CABLES1: variants seen among roughly 807,000 people sequenced by gnomAD.
The protein encoded by CABLES1 is CDK5 and ABL1 enzyme substrate 1.
A neutral mutation model predicts 57.8 loss-of-function variants in CABLES1; 36 were observed. The ratio of observed to expected loss-of-function variants is 0.62; its 90% CI spans 0.48 to 0.82. The LOEUF is 0.82. Among genes scored for constraint, CABLES1 ranks in the 40% least tolerant of loss-of-function variants. CABLES1 has a pLI of 0.00. For synonymous variants in CABLES1, 374 were observed against 363.0 expected (o/e 1.03, Z -0.35); for missense variants, 767 against 836.6 (o/e 0.92, Z 1.03).
chr18:23,189,800 C>A (rs547709812), intron 2 of CABLES1, among the ~76,000 whole-genome samples: 14 of 152,356 alleles, frequency 9.2e-5, no homozygotes, highest in African/African-American at 3.4e-4. Flanking sequence ...AGATGGCCTC[C>A]CCCTGGATCT....
chr18:23,253,862 G>T lies in CABLES1; in HGVS notation c.1687G>T (p.Ala563Ser), dbSNP rs754284395. The T allele has an allele frequency of 1.2e-6, 2 of 1,614,262 alleles. No homozygotes were observed. Among genetic ancestry groups the T allele is most frequent in the Non-Finnish European group, 1.7e-6 (2 of 1,180,046 alleles). ...CAACAAACAGAACCGGAAGCTGTGT[G>T]CTGGGGCATGTGTGCTGTTAGCAGC... is the stretch of plus-strand genomic sequence containing the variant. ...KLNKQNRKLC[A>S]GACVLLAAKI... Residue 563 changes from alanine to serine, a missense_variant, in exon 9 of 10, where the codon GCT (alanine) becomes TCT (serine). Ala to Ser is a moderately conservative substitution (Grantham distance 99). This residue lies in a region of CABLES1 where 529 missense variants were observed against 622.8 expected (regional missense o/e 0.85). Coordinates refer to ENST00000256925, the MANE Select transcript of CABLES1 (RefSeq NM_001100619.3).
intron 7 of CABLES1, among the ~76,000 whole-genome samples, chr18:23,248,591 G>A (rs778530869): frequency 3.6e-4 from 53 of 149,144 alleles, no homozygotes; most frequent in Admixed American, 1.5e-3. Flanking sequence ...ACTTTGGGAG[G>A]CCGAGGCGGG....
chr18:23,234,365 A>G (rs1353204766), intron 4 of CABLES1, among the ~76,000 whole-genome samples: 1 of 152,158 alleles, frequency 6.6e-6, no homozygotes, highest in African/African-American at 2.4e-5. Flanking sequence ...AGAGGGAGGG[A>G]TGTCTGTAAA....
chr18:23,230,653 C>A (rs536824051), intron 4 of CABLES1, among the ~76,000 whole-genome samples: 2 of 152,236 alleles, frequency 1.3e-5, no homozygotes, highest in Admixed American at 6.5e-5. Flanking sequence ...CTAGCTTTGG[C>A]GTACAAGAAA....
intron 9 of CABLES1, among the ~76,000 whole-genome samples, chr18:23,255,671 C>T (rs1488235794): frequency 6.6e-6 from 1 of 151,654 alleles, no homozygotes; most frequent in Non-Finnish European, 1.5e-5. Context: ...GCAATCCTCC[C>T]ATCTCCGCCT....
intron 3 of CABLES1, among the ~76,000 whole-genome samples, chr18:23,199,197 TAAAAA>T (rs1474849009): frequency 2.0e-5 from 3 of 152,194 alleles, no homozygotes; most frequent in Non-Finnish European, 4.4e-5. Flanking sequence ...ACTCGATTGT[TAAAAA>T]GAAAATAAAG....
At position 23,181,496 on chromosome 18, in the gene CABLES1, CAAAAAAAAA is replaced by C. The variant is rs59742943; in HGVS notation, c.846-7319_846-7311del. On this transcript the variant is annotated intron_variant, in intron 1 of 9. Transcript: ENST00000256925. ...GGGCAACAAGAGCAAAGCTTCGTCT[CAAAAAAAAA>C]AAAAAAAAAAAAAAAAAAAAAAGAT... Among the ~76,000 whole-genome samples, 127 of 35,402 alleles carry C rather than the reference CAAAAAAAAA, an allele frequency of 3.6e-3. 1 individual carries two copies. The highest frequency in any genetic ancestry group is 0.011 in the African/African-American group (110 of 9,870). 23.2% of individuals were successfully genotyped at this position (35,402 alleles called of 152,430 possible).
At chr18:23,144,213 C>G (rs1350026769) in intron 1 of CABLES1, among the ~76,000 whole-genome samples, 5 of 152,240 alleles carry the variant, frequency 3.3e-5, no homozygotes, top group Non-Finnish European at 1.5e-5. Context: ...AGGGCCCCTC[C>G]TCCGTGGTCT....
intron 4 of CABLES1, 70 bp downstream of exon 4, chr18:23,214,124 C>A: frequency 9.6e-7 from 1 of 1,043,844 alleles, no homozygotes; most frequent in Non-Finnish European, 1.4e-6. Context: ...CATAATGTGG[C>A]CATCCTTTCC....
At chr18:23,173,580 CAT>C (rs1446776210) in intron 1 of CABLES1, among the ~76,000 whole-genome samples, 17 of 152,308 alleles carry the variant, frequency 1.1e-4, no homozygotes, top group African/African-American at 3.6e-4. Flanking sequence ...TTTTTCCCAA[CAT>C]ATGTTTTTCT....
chr18:23,175,311 G>A (rs2047115336), intron 1 of CABLES1, among the ~76,000 whole-genome samples: 1 of 152,120 alleles, frequency 6.6e-6, no homozygotes, highest in Admixed American at 6.5e-5. Flanking sequence ...TTGGTGTAAG[G>A]TTTAATTTGG....
At chr18:23,247,652 G>T (rs539174654) in intron 7 of CABLES1, among the ~76,000 whole-genome samples, 144 of 152,366 alleles carry the variant, frequency 9.5e-4, no homozygotes, top group Non-Finnish European at 1.3e-3. Context: ...GCACTGGGCC[G>T]CCGGGCACCA....
At chr18:23,144,004 C>T (rs2046875123) in intron 1 of CABLES1, among the ~76,000 whole-genome samples, 2 of 152,354 alleles carry the variant, frequency 1.3e-5, no homozygotes, top group African/African-American at 4.8e-5. Flanking sequence ...GTTGTCTTTA[C>T]AGAGGGCACC....
At position 23,240,359 on chromosome 18, in the gene CABLES1, T is replaced by TAC. The variant is rs1182688527; in HGVS notation, c.1446+3124_1446+3125dup. Among the ~76,000 whole-genome samples, 3 of 151,914 alleles carry TAC rather than the reference T, an allele frequency of 2.0e-5. No homozygotes were observed. The South Asian group carries it at 6.2e-4, about 32-fold the overall frequency. On this transcript the variant is annotated intron_variant, in intron 7 of 9. Coordinates refer to ENST00000256925, the MANE Select transcript of CABLES1 (RefSeq NM_001100619.3). ...CTGTAGAAGTCGTTGCCCTTCCCCCTACACACACACAGGCAGGAGGCAGAG... is the reference window on the plus strand; with the variant it reads ...CTGTAGAAGTCGTTGCCCTTCCCCCTACACACACACACAGGCAGGAGGCAGAG...
intron 1 of CABLES1, among the ~76,000 whole-genome samples, chr18:23,173,209 C>T (rs1283517075): frequency 3.3e-5 from 5 of 152,190 alleles, no homozygotes; most frequent in Admixed American, 1.3e-4. Context: ...GAGCATCTGT[C>T]GATGTGCTGA....
At chr18:23,233,394 A>T (rs1444238528) in intron 4 of CABLES1, among the ~76,000 whole-genome samples, 1 of 152,218 alleles carries the variant, frequency 6.6e-6, no homozygotes, top group African/African-American at 2.4e-5. Context: ...ACATTGGATG[A>T]ACTCTCCAAC....
chr18:23,213,865 G>GAA, intron 3 of CABLES1, 112 bp from the exon 4 acceptor site: 2 of 670,828 alleles, frequency 3.0e-6, no homozygotes, highest in Admixed American at 5.4e-5. Context: ...TGGTGGGAGC[G>GAA]TGCAAATACT....
chr18:23,189,407 TGCTTGCAAG>T (rs2047225616), intron 2 of CABLES1: 1 of 161,232 alleles, frequency 6.2e-6, no homozygotes, highest in Non-Finnish European at 1.4e-5. Context: ...ATTAGAAGAG[TGCTTGCAAG>T]GCGTCTTTTT....
At chr18:23,240,576 G>A (rs1438533257) in intron 7 of CABLES1, among the ~76,000 whole-genome samples, 1 of 152,252 alleles carries the variant, frequency 6.6e-6, no homozygotes, top group South Asian at 2.1e-4. Context: ...CAGACAGAGG[G>A]CAGATTCCCT....
Sources: gnomAD v4.1 joint callset for allele counts (sites outside exome capture counted in the v4.1 genomes callset) on GRCh38, gnomAD v4.1.1 for gene constraint, gnomAD v4.1.1 regional missense constraint, MANE v1.5 for transcripts, NCBI Gene and HGNC (gene_info 2026-07-23, HGNC 2026-07-21) for gene names.